Variants in TAFA2 observed in about 807,000 individuals in gnomAD.
TAFA2 encodes the protein TAFA chemokine like family member 2.
TAFA2 carries 7 observed loss-of-function variants against 18.8 expected under a neutral mutation model. That is an observed-to-expected ratio of 0.37 (90% CI 0.21 to 0.70). The LOEUF (loss-of-function observed/expected upper bound fraction) is 0.70. Among genes scored for constraint, TAFA2 ranks in the 30% least tolerant of loss-of-function variants. The pLI, the probability that TAFA2 is intolerant of heterozygous loss-of-function variation, is 0.53. For missense variants in TAFA2, 122 were observed against 158.1 expected (o/e 0.77, Z 1.23); for synonymous variants, 60 against 54.2 (o/e 1.11, Z -0.47).
intron 2 of TAFA2, among the ~76,000 whole-genome samples, chr12:61,861,615 T>A (rs145984773): frequency 1.4e-3 from 220 of 152,214 alleles, no homozygotes; most frequent in African/African-American, 4.9e-3. Context: ...ACACTCCCCA[T>A]ATATTTCACG....
intron 1 of TAFA2, among the ~76,000 whole-genome samples, chr12:62,020,005 G>T (rs1204363570): frequency 6.6e-6 from 1 of 151,988 alleles, no homozygotes; most frequent in East Asian, 1.9e-4. Context: ...TTGAAAGACA[G>T]TCTCATCATT....
intron 1 of TAFA2, among the ~76,000 whole-genome samples, chr12:62,035,390 C>T (rs940159361): frequency 5.3e-5 from 8 of 152,060 alleles, no homozygotes; most frequent in African/African-American, 1.7e-4. Context: ...GAATACATAG[C>T]GCTCTAAGGG....
chr12:62,211,213 C>A (rs2062711759), intron 1 of TAFA2, among the ~76,000 whole-genome samples: 1 of 152,076 alleles, frequency 6.6e-6, no homozygotes, highest in African/African-American at 2.4e-5. Context: ...CTCATTAATC[C>A]AATTACATGA....
chr12:61,908,516 T>C (rs1876461228), intron 1 of TAFA2, among the ~76,000 whole-genome samples: 1 of 151,978 alleles, frequency 6.6e-6, no homozygotes, highest in East Asian at 1.9e-4. Flanking sequence ...AATTACCCCA[T>C]CTCTCAGGTA....
intron 1 of TAFA2, among the ~76,000 whole-genome samples, chr12:61,904,459 G>C (rs900302725): frequency 2.6e-5 from 4 of 152,062 alleles, no homozygotes; most frequent in Non-Finnish European, 5.9e-5. Context: ...AAATATTCTT[G>C]GAGCAACCAC....
chr12:62,114,687 A>C (rs1146083), intron 1 of TAFA2, among the ~76,000 whole-genome samples: 76,312 of 151,948 alleles, frequency 0.5, 19,686 homozygotes, highest in Non-Finnish European at 0.55. Flanking sequence ...CCCATTTTAC[A>C]GAAAGGCAAA....
At chr12:62,125,186 A>T (rs568469666) in intron 1 of TAFA2, among the ~76,000 whole-genome samples, 5 of 152,230 alleles carry the variant, frequency 3.3e-5, no homozygotes, top group Admixed American at 6.5e-5. Context: ...TATTTTTTTA[A>T]AAAATTAATA....
intron 1 of TAFA2, among the ~76,000 whole-genome samples, chr12:61,962,552 T>A (rs965705655): frequency 1.3e-5 from 2 of 152,024 alleles, no homozygotes; most frequent in Non-Finnish European, 2.9e-5. Flanking sequence ...ATTCTTTTTT[T>A]AAAACATATA....
At chr12:62,211,452 C>G (rs184220012) in intron 1 of TAFA2, among the ~76,000 whole-genome samples, 1,605 of 151,892 alleles carry the variant, frequency 0.011, 23 homozygotes, top group Non-Finnish European at 0.019. Context: ...TGGTGGTGCC[C>G]GCCTTTAATC....
intron 1 of TAFA2, among the ~76,000 whole-genome samples, chr12:62,222,140 C>T (rs555478511): frequency 6.6e-6 from 1 of 151,892 alleles, no homozygotes; most frequent in Non-Finnish European, 1.5e-5. Flanking sequence ...TTGTAAGAAC[C>T]CTCACAGATG....
At chr12:62,028,451 G>T (rs1372414503) in intron 1 of TAFA2, among the ~76,000 whole-genome samples, 1 of 152,092 alleles carries the variant, frequency 6.6e-6, no homozygotes, top group Non-Finnish European at 1.5e-5. Context: ...TTTCTCTAAG[G>T]CTCAAAGCAG....
intron 1 of TAFA2, among the ~76,000 whole-genome samples, chr12:61,917,660 A>G (rs1169082960): frequency 3.3e-5 from 5 of 152,108 alleles, no homozygotes; most frequent in Non-Finnish European, 5.9e-5. Flanking sequence ...GCATTTTTTC[A>G]TGTTACCTGT....
intron 1 of TAFA2, among the ~76,000 whole-genome samples, chr12:62,168,342 T>A (rs540971334): frequency 1.3e-4 from 20 of 152,194 alleles, no homozygotes; most frequent in African/African-American, 4.8e-4. Flanking sequence ...CCCAAAAAAA[T>A]CTAAATTGAA....
At chr12:62,150,669 G>A (rs555636353) in intron 1 of TAFA2, among the ~76,000 whole-genome samples, 35 of 152,206 alleles carry the variant, frequency 2.3e-4, no homozygotes, top group African/African-American at 8.2e-4. Context: ...TTGGGAGGCC[G>A]AGGCTGTTGG....
intron 2 of TAFA2, among the ~76,000 whole-genome samples, chr12:61,865,835 C>A (rs1396735303): frequency 6.6e-6 from 1 of 152,156 alleles, no homozygotes; most frequent in Non-Finnish European, 1.5e-5. Context: ...CCCACTCCTC[C>A]AATTCTTCTT....
At chr12:61,790,391 A>C (rs547773730) in intron 2 of TAFA2, among the ~76,000 whole-genome samples, 1 of 152,008 alleles carries the variant, frequency 6.6e-6, no homozygotes, top group South Asian at 2.1e-4. Flanking sequence ...AGAAATCAAT[A>C]AAACTTATCC....
chr12:62,010,008 G>A (rs1880676993), intron 1 of TAFA2, among the ~76,000 whole-genome samples: 1 of 152,184 alleles, frequency 6.6e-6, no homozygotes, highest in Non-Finnish European at 1.5e-5. Flanking sequence ...AATTGAGGTA[G>A]TCTCATAACA....
At chr12:61,897,620 C>G (rs1337835391) in intron 1 of TAFA2, among the ~76,000 whole-genome samples, 3 of 152,084 alleles carry the variant, frequency 2.0e-5, no homozygotes, top group African/African-American at 7.2e-5. Context: ...CACTCACTAT[C>G]ACAAGAACAG....
intron 1 of TAFA2, among the ~76,000 whole-genome samples, chr12:61,903,632 C>T (rs777848261): frequency 1.7e-4 from 26 of 151,942 alleles, no homozygotes; most frequent in Non-Finnish European, 3.5e-4. Flanking sequence ...AAATAACCAC[C>T]AAAAAACAAG....
Sources: gnomAD v4.1 joint callset for allele counts (sites outside exome capture counted in the v4.1 genomes callset) on GRCh38, gnomAD v4.1.1 for gene constraint, MANE v1.5 for transcripts, NCBI Gene and HGNC (gene_info 2026-07-23, HGNC 2026-07-21) for gene names.